Variants in SETD1B observed in about 807,000 individuals in gnomAD.
SETD1B encodes histone-lysine N-methyltransferase SETD1B.
A neutral mutation model predicts 148.0 loss-of-function variants in SETD1B; 7 were observed. The observed-to-expected ratio is 0.05, with a 90% confidence interval of 0.03 to 0.09. SETD1B has a LOEUF of 0.09. Among genes scored for constraint, SETD1B ranks in the 10% least tolerant of loss-of-function variants. The pLI is 1.00. For synonymous variants in SETD1B, 1,361 were observed against 1,186.5 expected (o/e 1.15, Z -3.02); for missense variants, 2,155 against 2,729.9 (o/e 0.79, Z 4.69).
intron 11 of SETD1B, among the ~76,000 whole-genome samples, chr12:121,820,197 G>A (rs1394675403): frequency 2.0e-5 from 3 of 152,242 alleles, no homozygotes; most frequent in Non-Finnish European, 4.4e-5. Context: ...TCCCCAAAAG[G>A]AGGATGGGTG....
chr12:121,826,683 G>A (rs1876856553), intron 13 of SETD1B, among the ~76,000 whole-genome samples: 2 of 152,112 alleles, frequency 1.3e-5, no homozygotes. Context: ...GGTCCTGAGG[G>A]CAGACTGTTC....
chr12:121,817,246 G>A lies in SETD1B; in HGVS notation c.2929G>A (p.Asp977Asn), dbSNP rs1276652731. Residue 977 changes from aspartate to asparagine, a missense_variant, in exon 8 of 17, where the codon GAC (aspartate) becomes AAC (asparagine). Around this residue, in one of 11 missense-constraint regions of SETD1B, gnomAD observed 289 missense variants for 423.7 expected, o/e 0.68. Coordinates refer to ENST00000604567, the MANE Select transcript of SETD1B (RefSeq NM_001353345.2). This position sits in a 1 kb window ranked among gnomAD's most constrained non-coding sequence, Gnocchi z 8.1. ...GCCACCAGACACCACCTCATCTGGC[G>A]ACCAGAAGCGGCTGCGGCCCTCGAC... ...KEPPDTTSSG[D>N]QKRLRPSTSV... The A allele has an allele frequency of 1.3e-6, 2 of 1,551,020 alleles. No individual in the cohort carries two copies. Among genetic ancestry groups the A allele is most frequent in the Middle Eastern group, 1.7e-4 (1 of 5,992 alleles).
At position 121,810,964 on chromosome 12, in the gene SETD1B, G is replaced by A; in HGVS notation, c.1890+129G>A. ...TGGGGCTAGGAAAGCCAATATAACAGGTGGAACTTACAGAATAAAAAGGGG... is the reference window on the plus strand; with the variant it reads ...TGGGGCTAGGAAAGCCAATATAACAAGTGGAACTTACAGAATAAAAAGGGG... On this transcript the variant is annotated intron_variant, in intron 6 of 16. Transcript: ENST00000604567. The surrounding 1 kb of genome is among the most constrained non-coding windows in gnomAD (Gnocchi z 7.6). 1 of 1,200,654 alleles carries A rather than the reference G, an allele frequency of 8.3e-7. No homozygotes were observed. The highest frequency in any genetic ancestry group is 1.1e-6 in the Non-Finnish European group (1 of 888,264). The allele number at this position is 1,200,654 out of a possible 1,614,324, so 74.4% of individuals were successfully genotyped here.
intron 12 of SETD1B, 56 bp from the exon 13 acceptor site, chr12:121,825,144 T>C (rs1876777500): frequency 1.3e-6 from 2 of 1,525,708 alleles, no homozygotes; most frequent in East Asian, 4.9e-5. Flanking sequence ...GACCAGTCTA[T>C]GAAGGGACCA....
chr12:121,813,758 C>T (rs902986827), intron 6 of SETD1B, among the ~76,000 whole-genome samples: 4 of 152,152 alleles, frequency 2.6e-5, no homozygotes, highest in Admixed American at 6.5e-5. Flanking sequence ...CCGTATTCAC[C>T]CTCATCATCC....
At chr12:121,823,909 C>T (rs1876711868) in intron 12 of SETD1B, among the ~76,000 whole-genome samples, 160 bp downstream of exon 12, 1 of 152,210 alleles carries the variant, frequency 6.6e-6, no homozygotes, top group African/African-American at 2.4e-5. Context: ...GTCCCGGCAC[C>T]ATGCCAGGCT....
At position 121,814,633 on chromosome 12, in the gene SETD1B, A is replaced by C; in HGVS notation, c.2418A>C (p.Ser806=). ...PFMAAAAAAA[S]AGLQFVNLPP... ...TGGCCGCTGCGGCCGCCGCTGCCTC[A>C]GCTGGGCTCCAGTTTGTCAACCTGC... is the stretch of plus-strand genomic sequence containing the variant. The change falls in exon 7 of 17, where the codon TCA becomes TCC. Residue 806 remains serine (S), a synonymous_variant. Coordinates refer to ENST00000604567, the MANE Select transcript of SETD1B (RefSeq NM_001353345.2). 1 of 1,546,210 alleles carries C rather than the reference A, an allele frequency of 6.5e-7. No individual in the cohort carries two copies. The highest frequency in any genetic ancestry group is 8.7e-7 in the Non-Finnish European group (1 of 1,144,396).
At position 121,823,409 on chromosome 12, in the gene SETD1B, C is replaced by T. The variant is rs1020397548; in HGVS notation, c.4830C>T (p.Asp1610=). The change falls in exon 12 of 17, where the codon GAC becomes GAT. Residue 1610 remains aspartate (D), a synonymous_variant. Transcript: ENST00000604567. ...CCAAGCTGCCCTTTAAGGAGCTAGA[C>T]AACCAGTGGCCCTCCGAGGCCATTC... The part of the protein sequence containing the change: ...EPTKLPFKEL[D]NQWPSEAIPP... 1.4e-6 allele frequency: 2 copies of T among 1,471,864 alleles called. No homozygotes were observed. The highest frequency in any genetic ancestry group is 1.8e-6 in the Non-Finnish European group (2 of 1,102,674). 91.2% of individuals were successfully genotyped at this position (1,471,864 alleles called of 1,614,324 possible).
Position 121,804,653 on chromosome 12 carries a change from C to T in SETD1B, c.-14-71C>T. 1 of 1,378,490 alleles carries T rather than the reference C, an allele frequency of 7.3e-7. No individual in the cohort carries two copies. The highest frequency in any genetic ancestry group is 9.9e-7 in the Non-Finnish European group (1 of 1,013,238). 85.4% of individuals were successfully genotyped at this position (1,378,490 alleles called of 1,614,324 possible). A position where few individuals can be genotyped will look rare whatever the true frequency, so the allele number is the denominator to read the frequency against. ...GGGGTGGGGGCCTGCCGATTGGATT[C>T]TTTCGCGTGTGTGTAGAAGCGGCCG... On this transcript the variant is annotated intron_variant, in intron 1 of 16. Coordinates refer to ENST00000604567, the MANE Select transcript of SETD1B (RefSeq NM_001353345.2). The surrounding 1 kb of genome is among the most constrained non-coding windows in gnomAD (Gnocchi z 4.6).
Position 121,814,919 on chromosome 12 carries a change from C to T in SETD1B, c.2704C>T (p.Arg902Trp), listed in dbSNP as rs1566551973. The T allele has an allele frequency of 2.9e-6, 4 of 1,381,866 alleles. No homozygotes were observed. The highest frequency in any genetic ancestry group is 2.9e-6 in the Non-Finnish European group (3 of 1,035,688). The allele number at this position is 1,381,866 out of a possible 1,614,324, so 85.6% of individuals were successfully genotyped here. A position where few individuals can be genotyped will look rare whatever the true frequency, so the allele number is the denominator to read the frequency against. Reference protein sequence around the residue: ...AFDEWWDKKERMAKASLTPVK... With the variant: ...AFDEWWDKKEWMAKASLTPVK... ...TGACGAGTGGTGGGACAAGAAGGAG[C>T]GGATGGCCAAGGTGGGTGGGTGGGT... The change falls in exon 7 of 17, where the codon CGG becomes TGG. Residue 902 changes from arginine (R) to tryptophan (W), a missense_variant. Arg to Trp is a moderately radical substitution (Grantham distance 101). This residue lies in a region of SETD1B where 289 missense variants were observed against 423.7 expected (regional missense o/e 0.68). Coordinates refer to ENST00000604567, the MANE Select transcript of SETD1B (RefSeq NM_001353345.2).
chr12:121,829,414 G>A (rs1235680751), intron 16 of SETD1B, among the ~76,000 whole-genome samples: 1 of 152,162 alleles, frequency 6.6e-6, no homozygotes, highest in African/African-American at 2.4e-5. Context: ...ACTGAAGGAG[G>A]CAGGGAGGCA....
intron 10 of SETD1B, 32 bp from the exon 11 acceptor site, chr12:121,819,372 C>T: frequency 6.4e-7 from 1 of 1,550,554 alleles, no homozygotes; most frequent in Admixed American, 2.0e-5. Flanking sequence ...AGCGGGTCCT[C>T]AGGCAGCCCC....
At position 121,814,855 on chromosome 12, in the gene SETD1B, G is replaced by A. The variant is rs1189175513; in HGVS notation, c.2640G>A (p.Leu880=). The A allele has an allele frequency of 1.3e-6, 2 of 1,551,406 alleles. No homozygotes were observed. Among genetic ancestry groups the A allele is most frequent in the Admixed American group, 3.9e-5 (2 of 50,998 alleles). The change falls in exon 7 of 17, where the codon CTG becomes CTA. Residue 880 remains leucine (L), a synonymous_variant. Coordinates refer to ENST00000604567, the MANE Select transcript of SETD1B (RefSeq NM_001353345.2). ...TCAAGGCCATCATGAAGCGTGACCT[G>A]AACCGCAAGATGGTGGAAGTGGTGG... is the stretch of plus-strand genomic sequence containing the variant. ...KELKAIMKRD[L]NRKMVEVVAF...
chr12:121,812,172 G>T (rs1002831286), intron 6 of SETD1B, among the ~76,000 whole-genome samples: 1 of 152,150 alleles, frequency 6.6e-6, no homozygotes, highest in African/African-American at 2.4e-5. Flanking sequence ...GGGGAATAGC[G>T]CCTGGGCTTT....
At position 121,810,477 on chromosome 12, in the gene SETD1B, G is replaced by A. The variant is rs1321671209; in HGVS notation, c.1532G>A (p.Arg511His). The A allele has an allele frequency of 1.9e-6, 3 of 1,547,530 alleles. No individual in the cohort carries two copies. Among genetic ancestry groups the A allele is most frequent in the African/African-American group, 1.4e-5 (1 of 73,012 alleles). Reference protein sequence around the residue: ...SRIEMLLKEQRTKLLFLREPD... With the variant: ...SRIEMLLKEQHTKLLFLREPD... ...ATCGAGATGCTGCTGAAGGAGCAGC[G>A]CACCAAGCTGCTCTTCCTGAGGGAG... The change falls in exon 6 of 17, where the codon CGC becomes CAC. Residue 511 changes from arginine to histidine, a missense_variant. Physicochemically the swap from Arg to His is conservative, Grantham distance 29. This residue lies in a region of SETD1B where 5 missense variants were observed against 19.9 expected (regional missense o/e 0.25). Coordinates refer to ENST00000604567, the MANE Select transcript of SETD1B (RefSeq NM_001353345.2). The surrounding 1 kb of genome is among the most constrained non-coding windows in gnomAD (Gnocchi z 7.6).
Position 121,817,915 on chromosome 12 carries a change from A to G in SETD1B, c.3418+11A>G, listed in dbSNP as rs779890868. 3 of 1,526,548 alleles carry G rather than the reference A, an allele frequency of 2.0e-6. No homozygotes were observed. Among genetic ancestry groups the G allele is most frequent in the Non-Finnish European group, 2.6e-6 (3 of 1,134,006 alleles). The allele number at this position is 1,526,548 out of a possible 1,614,324, so 94.6% of individuals were successfully genotyped here. Reference sequence around the variant, plus strand: ...GGGACTCGGATGAAGGTGAGCAGGGAGGCCGTGGCTGCCTGGCCCTCCCGG... The same window carrying G: ...GGGACTCGGATGAAGGTGAGCAGGGGGGCCGTGGCTGCCTGGCCCTCCCGG... On this transcript the variant is annotated intron_variant, in intron 10 of 16. Transcript: ENST00000604567. The surrounding 1 kb of genome is among the most constrained non-coding windows in gnomAD (Gnocchi z 8.1).
the SETD1B span, chr12:121,793,246 G>A: frequency 1.3e-6 from 2 of 1,550,754 alleles, no homozygotes; most frequent in African/African-American, 2.7e-5. Flanking sequence ...AGTGCTGCGG[G>A]AGAGGGGGTC....
At chr12:121,826,693 C>G (rs143690703) in intron 13 of SETD1B, among the ~76,000 whole-genome samples, 1 of 151,988 alleles carries the variant, frequency 6.6e-6, no homozygotes, top group African/African-American at 2.4e-5. Context: ...GCAGACTGTT[C>G]GGGTTGCTGC....
intron 11 of SETD1B, 39 bp downstream of exon 11, chr12:121,819,934 G>A (rs948802515): frequency 4.3e-5 from 65 of 1,504,118 alleles, no homozygotes; most frequent in Non-Finnish European, 5.1e-5. Context: ...GTGGGAGGGA[G>A]GCAGGAAGTC....
Sources: gnomAD v4.1 joint callset for allele counts (sites outside exome capture counted in the v4.1 genomes callset) on GRCh38, gnomAD v4.1.1 for gene constraint, gnomAD v4.1.1 regional missense constraint, Gnocchi (gnomAD v3.1) non-coding constraint, MANE v1.5 for transcripts, NCBI Gene and HGNC (gene_info 2026-07-23, HGNC 2026-07-21) for gene names.